The following ANKRD11 variants were observed in gnomAD, a reference collection of about 807,000 sequenced individuals.
The protein encoded by ANKRD11 is ankyrin repeat domain 11.
Under a neutral mutation model 195.7 loss-of-function variants are expected in ANKRD11, and 17 were observed. The ratio of observed to expected loss-of-function variants is 0.09; its 90% CI spans 0.06 to 0.13. The LOEUF (loss-of-function observed/expected upper bound fraction) is 0.13. Among genes scored for constraint, ANKRD11 ranks in the 10% least tolerant of loss-of-function variants. The pLI, the probability that ANKRD11 is intolerant of heterozygous loss-of-function variation, is 1.00. For missense variants in ANKRD11, 3,735 were observed against 3,566.1 expected (o/e 1.05, Z -1.21); for synonymous variants, 1,953 against 1,528.1 (o/e 1.28, Z -6.49).
chr16:89,309,614 T>C (rs946888976), intron 3 of ANKRD11, among the ~76,000 whole-genome samples: 1 of 152,332 alleles, frequency 6.6e-6, no homozygotes, highest in Admixed American at 6.5e-5. Flanking sequence ...CCGAGCTGCC[T>C]ACAACAGGGA....
At chr16:89,464,347 G>A (rs1189511259) in intron 1 of ANKRD11, among the ~76,000 whole-genome samples, 2 of 151,732 alleles carry the variant, frequency 1.3e-5, no homozygotes, top group African/African-American at 4.8e-5. Flanking sequence ...GGTGGCTCAC[G>A]CCTGTAATCC....
At chr16:89,331,155 T>C (rs1038500449) in intron 2 of ANKRD11, among the ~76,000 whole-genome samples, 1 of 152,150 alleles carries the variant, frequency 6.6e-6, no homozygotes, top group Non-Finnish European at 1.5e-5. Context: ...GGTTTCGCCA[T>C]GTTGGCCAGG....
intron 2 of ANKRD11, among the ~76,000 whole-genome samples, chr16:89,364,620 C>T (rs1456995091): frequency 6.6e-6 from 1 of 152,168 alleles, no homozygotes; most frequent in Non-Finnish European, 1.5e-5. Flanking sequence ...TGGCTTGGGC[C>T]ACACATAAAA....
In ANKRD11 at chr16:89,283,926, A is replaced by G; in HGVS notation, c.2616T>C (p.Ser872=). 9 of 1,614,156 alleles carry G rather than the reference A, an allele frequency of 5.6e-6. No homozygotes were observed. The highest frequency in any genetic ancestry group is 7.6e-6 in the Non-Finnish European group (9 of 1,180,032). Residue 872 remains serine (S), a synonymous_variant, in exon 9 of 13, where the codon TCT becomes TCC. Transcript: ENST00000301030. The surrounding 1 kb of genome is among the most constrained non-coding windows in gnomAD (Gnocchi z 4.3). ...VTDYRDMKSD[S]VAKLILETVK... ...CCGTCTCCAAGATGAGCTTGGCCAC[A>G]GAGTCGCTCTTCATGTCCCTGTAGT... is the stretch of plus-strand genomic sequence containing the variant.
At chr16:89,312,653 C>A (rs550046897) in intron 3 of ANKRD11, among the ~76,000 whole-genome samples, 1 of 152,170 alleles carries the variant, frequency 6.6e-6, no homozygotes, top group Non-Finnish European at 1.5e-5. Context: ...GGGCCCACAG[C>A]GGTCTCAGGG....
intron 2 of ANKRD11, among the ~76,000 whole-genome samples, chr16:89,391,305 G>A (rs969390824): frequency 2.6e-5 from 4 of 151,926 alleles, no homozygotes; most frequent in African/African-American, 9.7e-5. Context: ...TCGCTGAGAA[G>A]CACAGCCACA....
intron 1 of ANKRD11, among the ~76,000 whole-genome samples, chr16:89,428,917 G>C (rs1313242292): frequency 1.3e-5 from 2 of 151,978 alleles, no homozygotes; most frequent in African/African-American, 4.8e-5. Context: ...AAAAAAATAA[G>C]AATACACCAC....
At chr16:89,405,768 C>T (rs1026658643) in intron 2 of ANKRD11, among the ~76,000 whole-genome samples, 1 of 152,138 alleles carries the variant, frequency 6.6e-6, no homozygotes, top group Non-Finnish European at 1.5e-5. Context: ...GACCCTGGGG[C>T]TTAGGGGTCA....
At chr16:89,271,232 G>A in intron 11 of ANKRD11, 1 of 392,550 alleles carries the variant, frequency 2.5e-6, no homozygotes, top group Non-Finnish European at 4.7e-6. Flanking sequence ...CAACTCCTGG[G>A]AGAGACTTTT....
intron 2 of ANKRD11, among the ~76,000 whole-genome samples, chr16:89,320,845 C>T (rs1201354225): frequency 6.6e-6 from 1 of 152,232 alleles, no homozygotes; most frequent in Non-Finnish European, 1.5e-5. Flanking sequence ...CTCCACACTG[C>T]GAGAGCCCCT....
Position 89,305,363 on chromosome 16 carries a change from C to G in ANKRD11, c.88-19G>C. 1 of 1,613,818 alleles carries G rather than the reference C, an allele frequency of 6.2e-7. No homozygotes were observed. Among genetic ancestry groups the G allele is most frequent in the Non-Finnish European group, 8.5e-7 (1 of 1,179,844 alleles). On this transcript the variant is annotated intron_variant, in intron 3 of 12. Transcript: ENST00000301030. ...CTTTATCCTAGAAAAGAAAGGGATGCTTTCAGTCGTGATGTCCAAATTACA... is the reference window on the plus strand; with the variant it reads ...CTTTATCCTAGAAAAGAAAGGGATGGTTTCAGTCGTGATGTCCAAATTACA...
At chr16:89,358,837 T>G (rs1406181924) in intron 2 of ANKRD11, among the ~76,000 whole-genome samples, 2 of 152,004 alleles carry the variant, frequency 1.3e-5, no homozygotes. Flanking sequence ...TGTAGGTTTT[T>G]TTTTTGAGAA....
chr16:89,358,480 G>C (rs1054165708), intron 2 of ANKRD11, among the ~76,000 whole-genome samples: 4 of 152,202 alleles, frequency 2.6e-5, no homozygotes, highest in African/African-American at 9.7e-5. Flanking sequence ...CAACACAAAG[G>C]ATAACTAGTT....
chr16:89,417,623 C>G (rs534438355), intron 2 of ANKRD11, among the ~76,000 whole-genome samples: 1 of 152,332 alleles, frequency 6.6e-6, no homozygotes, highest in Admixed American at 6.5e-5. Context: ...TGGTCTCCAG[C>G]TCCTAGGAAA....
chr16:89,435,516 A>G (rs528505680), intron 1 of ANKRD11, among the ~76,000 whole-genome samples: 2 of 152,260 alleles, frequency 1.3e-5, no homozygotes, highest in South Asian at 4.1e-4. Flanking sequence ...TCCTGAAGTC[A>G]GCGAGACCAC....
chr16:89,456,244 A>G (rs1242145596), intron 1 of ANKRD11, among the ~76,000 whole-genome samples: 1 of 150,894 alleles, frequency 6.6e-6, no homozygotes, highest in African/African-American at 2.4e-5. Flanking sequence ...GGTCCCAAAA[A>G]AAAAAGGGGG....
chr16:89,273,723 CA>C (rs1479427515), intron 11 of ANKRD11, among the ~76,000 whole-genome samples: 1 of 152,066 alleles, frequency 6.6e-6, no homozygotes, highest in Non-Finnish European at 1.5e-5. Context: ...TAAAATTTGT[CA>C]TTGTGTATAT....
rs2032777700 is a variant in ANKRD11 at position 89,268,013 on chromosome 16, A to C, written c.*465T>G. 1.2e-5 allele frequency: 2 copies of C among 164,394 alleles called. No homozygotes were observed. Among genetic ancestry groups the C allele is most frequent in the South Asian group, 3.3e-4 (2 of 6,068 alleles). The allele number at this position is 164,394 out of a possible 1,614,324, so 10.2% of individuals were successfully genotyped here. ...CGGCGGCAACAGAACCACGGCTGGG[A>C]TGGGGCTCCTGCCCCTCCGACCTGC... On this transcript the variant is annotated 3_prime_UTR_variant, in exon 13 of 13. Transcript: ENST00000301030.
chr16:89,472,046 A>C (rs138542051), intron 1 of ANKRD11, among the ~76,000 whole-genome samples: 1 of 152,086 alleles, frequency 6.6e-6, no homozygotes, highest in African/African-American at 2.4e-5. Context: ...CCCTCAGGTG[A>C]CTACTTTTAA....
Sources: gnomAD v4.1 joint callset for allele counts (sites outside exome capture counted in the v4.1 genomes callset) on GRCh38, gnomAD v4.1.1 for gene constraint, Gnocchi (gnomAD v3.1) non-coding constraint, MANE v1.5 for transcripts, NCBI Gene and HGNC (gene_info 2026-07-23, HGNC 2026-07-21) for gene names.